Variants in PKNOX2 observed in about 807,000 individuals in gnomAD.
PKNOX2 encodes homeobox protein PKNOX2.
Under a neutral mutation model 53.1 loss-of-function variants are expected in PKNOX2, and 14 were observed. The observed-to-expected ratio is 0.26, with a 90% confidence interval of 0.17 to 0.41. The LOEUF (loss-of-function observed/expected upper bound fraction) is 0.41, where lower values mean the gene tolerates loss of function less well. PKNOX2 is among the 10% of genes least tolerant of loss of function. The pLI is 1.00. For synonymous variants in PKNOX2, 257 were observed against 242.8 expected, an observed-to-expected ratio of 1.06 and a Z score of -0.54; for missense variants, 496 against 602.8, an observed-to-expected ratio of 0.82 and a Z score of 1.85.
chr11:125,280,753 A>G (rs772752111), intron 2 of PKNOX2, among the ~76,000 whole-genome samples: 5 of 152,126 alleles, frequency 3.3e-5, no homozygotes, highest in Admixed American at 6.5e-5. Flanking sequence ...GTAGTTTCCT[A>G]CATTCACAGG....
chr11:125,338,590 G>T (rs1211539159), intron 3 of PKNOX2, among the ~76,000 whole-genome samples: 1 of 152,198 alleles, frequency 6.6e-6, no homozygotes, highest in Non-Finnish European at 1.5e-5. Flanking sequence ...ACTCTGGACA[G>T]AACCTCCTGA....
intron 2 of PKNOX2, among the ~76,000 whole-genome samples, chr11:125,283,545 C>T (rs960803334): frequency 1.3e-5 from 2 of 152,198 alleles, no homozygotes; most frequent in Non-Finnish European, 2.9e-5. Flanking sequence ...CAGTGATAGA[C>T]CTCTTAGGGA....
intron 1 of PKNOX2, among the ~76,000 whole-genome samples, chr11:125,219,450 A>AG (rs967285676): frequency 3.3e-5 from 5 of 152,102 alleles, no homozygotes; most frequent in African/African-American, 1.2e-4. Flanking sequence ...AAAAAAAAAA[A>AG]AAATTATAAA....
chr11:125,242,551 G>C (rs1385880468), intron 2 of PKNOX2, among the ~76,000 whole-genome samples: 2 of 152,168 alleles, frequency 1.3e-5, no homozygotes, highest in Admixed American at 6.5e-5. Context: ...GTTCTGGACT[G>C]CTGCCCAGCT....
intron 3 of PKNOX2, among the ~76,000 whole-genome samples, chr11:125,349,837 TCACACACACACACACACA>T (rs60332384): frequency 5.8e-5 from 8 of 138,040 alleles, no homozygotes; most frequent in African/African-American, 1.4e-4. Context: ...ACCAAAAGAA[TCACACACACACACACACA>T]CACACACACA....
In PKNOX2 at chr11:125,375,002, G is replaced by A. The variant is rs574333373; in HGVS notation, c.227+7017G>A. Reference sequence around the variant, plus strand: ...GGCCATGAAGGTTCATATGGCCAGTGGCTTCTCACCGGGCCTGAGCTAAGC... The same window carrying A: ...GGCCATGAAGGTTCATATGGCCAGTAGCTTCTCACCGGGCCTGAGCTAAGC... On this transcript the variant is annotated intron_variant, in intron 5 of 12. Transcript: ENST00000298282. Among the ~76,000 whole-genome samples the A allele has an allele frequency of 2.0e-4, 30 of 152,252 alleles. No homozygotes were observed. In the South Asian group the frequency reaches 6.2e-3, roughly 32 times the overall value.
intron 10 of PKNOX2, among the ~76,000 whole-genome samples, chr11:125,416,257 C>G (rs1214253346): frequency 7.2e-6 from 1 of 139,516 alleles, no homozygotes; most frequent in African/African-American, 2.8e-5. Context: ...GAGCCGAGAT[C>G]CCGCCACTGC....
chr11:125,253,113 T>C (rs1406939998), intron 2 of PKNOX2, among the ~76,000 whole-genome samples: 1 of 152,186 alleles, frequency 6.6e-6, no homozygotes, highest in Non-Finnish European at 1.5e-5. Flanking sequence ...TAAAAATATC[T>C]TTATGCTTCT....
In PKNOX2 at chr11:125,183,198, CTTTTTTTTTTTTTTTTTTT is replaced by C. The variant is rs10676031; in HGVS notation, c.-201+18433_-201+18451del. On this transcript the variant is annotated intron_variant, in intron 1 of 12. Coordinates refer to ENST00000298282, the MANE Select transcript of PKNOX2 (RefSeq NM_001382323.2). ...TGGTGGCTGTAGCATGCGATGAATC[CTTTTTTTTTTTTTTTTTTT>C]TTTTTTTTTTGAGACGGAGTCTCAC... Among the ~76,000 whole-genome samples, 54 of 85,840 alleles carry C rather than the reference CTTTTTTTTTTTTTTTTTTT, an allele frequency of 6.3e-4. 10 individuals are homozygous for C. The Middle Eastern group carries it at 0.015, about 25-fold the overall frequency. The allele number at this position is 85,840 out of a possible 152,430, so 56.3% of individuals were successfully genotyped here.
intron 2 of PKNOX2, among the ~76,000 whole-genome samples, chr11:125,313,261 G>A (rs1359108502): frequency 6.6e-6 from 1 of 152,240 alleles, no homozygotes; most frequent in Non-Finnish European, 1.5e-5. Context: ...GGAGCAGACA[G>A]AGGGTGGGCA....
chr11:125,429,677 C>T (rs1257972893), intron 11 of PKNOX2, among the ~76,000 whole-genome samples: 1 of 152,176 alleles, frequency 6.6e-6, no homozygotes, highest in Non-Finnish European at 1.5e-5. Context: ...AGGTTAGTGC[C>T]TATGACTACC....
chr11:125,287,005 T>A (rs982551917), intron 2 of PKNOX2, among the ~76,000 whole-genome samples: 15 of 152,218 alleles, frequency 9.9e-5, no homozygotes, highest in African/African-American at 3.6e-4. Context: ...CACTTGATCC[T>A]CCAGCTTCTG....
intron 2 of PKNOX2, among the ~76,000 whole-genome samples, chr11:125,319,372 GAC>G (rs1382071799): frequency 6.6e-6 from 1 of 152,166 alleles, no homozygotes; most frequent in East Asian, 1.9e-4. Flanking sequence ...ACCAAAACGT[GAC>G]ACACAGACAT....
chr11:125,192,268 G>A (rs1591475931), intron 1 of PKNOX2, among the ~76,000 whole-genome samples: 2 of 152,210 alleles, frequency 1.3e-5, no homozygotes, highest in African/African-American at 4.8e-5. Context: ...GTTGGCAGAA[G>A]GCTCCAGGGT....
At chr11:125,260,648 G>A (rs983800292) in intron 2 of PKNOX2, among the ~76,000 whole-genome samples, 4 of 152,170 alleles carry the variant, frequency 2.6e-5, no homozygotes, top group South Asian at 2.1e-4. Context: ...TGGGGGTGAC[G>A]TCTCCCTAGT....
rs187885196 is a variant in PKNOX2, at chr11:125,411,980, G to A, written c.936+115G>A. On this transcript the variant is annotated intron_variant, in intron 10 of 12. Coordinates refer to ENST00000298282, the MANE Select transcript of PKNOX2 (RefSeq NM_001382323.2). ...ACCCACAGACAGAGGGCGCGGCCTCGGGGAGAGCTCTCTGATAGGAATGAC... is the reference window on the plus strand; with the variant it reads ...ACCCACAGACAGAGGGCGCGGCCTCAGGGAGAGCTCTCTGATAGGAATGAC... 1.1e-4 allele frequency: 159 copies of A among 1,496,626 alleles called. No homozygotes were observed. The African/African-American group carries it at 1.7e-3, about 16-fold the overall frequency. 92.7% of individuals were successfully genotyped at this position (1,496,626 alleles called of 1,614,324 possible).
intron 2 of PKNOX2, among the ~76,000 whole-genome samples, chr11:125,328,698 G>T (rs1949980830): frequency 6.6e-6 from 1 of 152,144 alleles, no homozygotes; most frequent in African/African-American, 2.4e-5. Context: ...ACTTACTACT[G>T]CAGGCACTCT....
At chr11:125,267,750 CGT>C (rs1449388096) in intron 2 of PKNOX2, among the ~76,000 whole-genome samples, 6 of 147,042 alleles carry the variant, frequency 4.1e-5, no homozygotes, top group East Asian at 1.9e-4. Context: ...CATGTGTGCG[CGT>C]GTGTGTGTGC....
At position 125,431,627 on chromosome 11, in the gene PKNOX2, G is replaced by A; in HGVS notation, c.*235G>A. On this transcript the variant is annotated 3_prime_UTR_variant, in exon 13 of 13. Transcript: ENST00000298282. ...AACTGCCGAGGACTCTGTTTGGCGG[G>A]GCCAGTCGAGCAGCCTGTGTGGAAA... 1 of 548,094 alleles carries A rather than the reference G, an allele frequency of 1.8e-6. No individual in the cohort carries two copies. Among genetic ancestry groups the A allele is most frequent in the Non-Finnish European group, 3.3e-6 (1 of 306,954 alleles). 34.0% of individuals were successfully genotyped at this position (548,094 alleles called of 1,614,324 possible). A position where few individuals can be genotyped will look rare whatever the true frequency, so the allele number is the denominator to read the frequency against.
Sources: gnomAD v4.1 joint callset for allele counts (sites outside exome capture counted in the v4.1 genomes callset) on GRCh38, gnomAD v4.1.1 for gene constraint, MANE v1.5 for transcripts, NCBI Gene and HGNC (gene_info 2026-07-23, HGNC 2026-07-21) for gene names.